ATXN1: variants seen among roughly 807,000 people sequenced by gnomAD.
The protein encoded by ATXN1 is ataxin-1.
ATXN1 carries 8 observed loss-of-function variants against 56.4 expected under a neutral mutation model. That is an observed-to-expected ratio of 0.14 (90% confidence interval 0.08 to 0.26). ATXN1 has a LOEUF of 0.26. Ranked by LOEUF, ATXN1 falls within the 10% of genes least tolerant of loss-of-function variation. ATXN1 has a pLI of 1.00. For missense variants in ATXN1, 987 were observed against 1,106.5 expected, an observed-to-expected ratio of 0.89 and a Z score of 1.53; for synonymous variants, 514 against 494.6, an observed-to-expected ratio of 1.04 and a Z score of -0.52.
At chr6:16,422,779 G>C (rs901587795) in intron 6 of ATXN1, among the ~76,000 whole-genome samples, 2 of 152,080 alleles carry the variant, frequency 1.3e-5, no homozygotes, top group African/African-American at 4.8e-5. Flanking sequence ...TGACAACCAG[G>C]AACTCCTTCA....
At chr6:16,680,628 C>T (rs1043800064) in intron 2 of ATXN1, among the ~76,000 whole-genome samples, 3 of 152,134 alleles carry the variant, frequency 2.0e-5, no homozygotes, top group East Asian at 1.9e-4. Context: ...AGTTACTGTC[C>T]TATGCTCCAA....
intron 6 of ATXN1, among the ~76,000 whole-genome samples, chr6:16,421,798 A>G (rs915219364): frequency 3.9e-5 from 6 of 152,244 alleles, no homozygotes; most frequent in Admixed American, 6.5e-5. Flanking sequence ...ATATGCATAC[A>G]TGTGTGCAGG....
chr6:16,733,717 T>C (rs1760046240), intron 2 of ATXN1, among the ~76,000 whole-genome samples: 1 of 152,050 alleles, frequency 6.6e-6, no homozygotes, highest in African/African-American at 2.4e-5. Flanking sequence ...TGTGGTGGCA[T>C]ATGCCTGTAA....
intron 7 of ATXN1, among the ~76,000 whole-genome samples, chr6:16,323,552 A>T (rs78572828): frequency 6.6e-6 from 1 of 151,036 alleles, no homozygotes; most frequent in Non-Finnish European, 1.5e-5. Context: ...AAAAAAAAAA[A>T]AAATAGAAGA....
chr6:16,652,804 C>T (rs961835580), intron 3 of ATXN1: 3 of 152,168 alleles, frequency 2.0e-5, no homozygotes, highest in African/African-American at 7.2e-5. Flanking sequence ...GCAAACTGGG[C>T]TTTTTTCCTT....
chr6:16,629,883 C>T (rs1763474417), intron 3 of ATXN1, among the ~76,000 whole-genome samples: 1 of 151,216 alleles, frequency 6.6e-6, no homozygotes, highest in African/African-American at 2.4e-5. Context: ...CACCACTGCA[C>T]TCCAGCCTGG....
chr6:16,386,563 T>C (rs757406018), intron 6 of ATXN1, among the ~76,000 whole-genome samples: 1 of 152,126 alleles, frequency 6.6e-6, no homozygotes, highest in Non-Finnish European at 1.5e-5. Context: ...CGTGTGCCTC[T>C]AGAAAGTCAG....
chr6:16,711,603 T>C (rs13195909), intron 2 of ATXN1, among the ~76,000 whole-genome samples: 29,123 of 149,574 alleles, frequency 0.19, 3,363 homozygotes, highest in South Asian at 0.26. Context: ...AAAAAAACCA[T>C]CTATATCTAT....
intron 3 of ATXN1, among the ~76,000 whole-genome samples, chr6:16,635,169 A>T (rs1202504065): frequency 3.3e-5 from 5 of 152,112 alleles, no homozygotes; most frequent in African/African-American, 9.7e-5. Context: ...CATGTGAGGG[A>T]TGTAGGTTGC....
intron 2 of ATXN1, among the ~76,000 whole-genome samples, chr6:16,680,610 G>C (rs567030519): frequency 6.6e-6 from 1 of 152,234 alleles, no homozygotes; most frequent in Non-Finnish European, 1.5e-5. Context: ...CAGAAAACAA[G>C]GGAAACCAGT....
intron 6 of ATXN1, among the ~76,000 whole-genome samples, chr6:16,388,271 A>T (rs1758281820): frequency 6.6e-6 from 1 of 152,232 alleles, no homozygotes; most frequent in Admixed American, 6.5e-5. Flanking sequence ...AATGATGAAC[A>T]GCTTATTATG....
intron 5 of ATXN1, among the ~76,000 whole-genome samples, chr6:16,520,153 G>A (rs1761259493): frequency 6.6e-6 from 1 of 152,200 alleles, no homozygotes; most frequent in African/African-American, 2.4e-5. Context: ...CATTGATGGT[G>A]AGTGCTGTTT....
At chr6:16,471,826 C>T (rs117568415) in intron 6 of ATXN1, among the ~76,000 whole-genome samples, 1 of 152,032 alleles carries the variant, frequency 6.6e-6, no homozygotes, top group African/African-American at 2.4e-5. Flanking sequence ...ATAAGACACT[C>T]GGAATACCTA....
chr6:16,734,806 T>C (rs1221469142), intron 2 of ATXN1, among the ~76,000 whole-genome samples: 1 of 152,184 alleles, frequency 6.6e-6, no homozygotes, highest in African/African-American at 2.4e-5. Context: ...AAAAATATTT[T>C]AAAACGTCAT....
At chr6:16,547,538 T>G (rs964765110) in intron 4 of ATXN1, among the ~76,000 whole-genome samples, 1 of 152,108 alleles carries the variant, frequency 6.6e-6, no homozygotes, top group African/African-American at 2.4e-5. Context: ...TACCACAGAC[T>G]GGGGGGCTTC....
At chr6:16,753,594 A>C (rs1169143618) in intron 1 of ATXN1, among the ~76,000 whole-genome samples, 2 of 152,206 alleles carry the variant, frequency 1.3e-5, no homozygotes, top group Non-Finnish European at 2.9e-5. Context: ...TCAAATTAAG[A>C]GGATGGTCTC....
chr6:16,662,676 T>A (rs1368937622), intron 2 of ATXN1, among the ~76,000 whole-genome samples: 1 of 152,216 alleles, frequency 6.6e-6, no homozygotes, highest in African/African-American at 2.4e-5. Context: ...CTACAATTCT[T>A]GCATCTTTGA....
chr6:16,346,939 C>T (rs1405913987), intron 6 of ATXN1, among the ~76,000 whole-genome samples: 1 of 152,248 alleles, frequency 6.6e-6, no homozygotes, highest in Non-Finnish European at 1.5e-5. Context: ...AGCGCGCGTT[C>T]CAGGTGGCTG....
intron 4 of ATXN1, among the ~76,000 whole-genome samples, chr6:16,532,041 T>C (rs1241047688): frequency 2.6e-5 from 4 of 152,226 alleles, no homozygotes; most frequent in Non-Finnish European, 4.4e-5. Flanking sequence ...CAATCTGTCA[T>C]TGTCGTGCAA....
Sources: allele counts gnomAD v4.1 joint callset (sites outside exome capture counted in the v4.1 genomes callset), GRCh38; gene constraint gnomAD v4.1.1; transcripts MANE v1.5; gene names NCBI Gene and HGNC (gene_info 2026-07-23, HGNC 2026-07-21).